MYO16: variants seen among roughly 807,000 people sequenced by gnomAD.
MYO16 encodes the protein myosin XVI.
In MYO16, 94 loss-of-function variants were observed where a neutral mutation model predicts 205.3. That is an observed-to-expected ratio of 0.46 (90% CI 0.39 to 0.54). The LOEUF (loss-of-function observed/expected upper bound fraction) is 0.54, where lower values mean the gene tolerates loss of function less well. Among genes scored for constraint, MYO16 ranks in the 20% least tolerant of loss-of-function variants. The probability of loss-of-function intolerance (pLI) is 0.00; values close to 1 mark genes in which losing one functional copy is unlikely to be tolerated. For synonymous variants in MYO16, 988 were observed against 954.0 expected (o/e 1.04, Z -0.66); for missense variants, 2,315 against 2,387.5 (o/e 0.97, Z 0.63).
intron 9 of MYO16, among the ~76,000 whole-genome samples, chr13:108,837,238 C>T (rs949203956): frequency 2.0e-5 from 3 of 152,088 alleles, no homozygotes; most frequent in African/African-American, 4.8e-5. Flanking sequence ...ACTTGTTCTT[C>T]CTCCTGCCAC....
At chr13:108,892,564 A>C (rs1008604867) in intron 14 of MYO16, among the ~76,000 whole-genome samples, 1 of 152,154 alleles carries the variant, frequency 6.6e-6, no homozygotes, top group African/African-American at 2.4e-5. Flanking sequence ...TAATATTGAG[A>C]GTCAATTTGG....
intron 33 of MYO16, among the ~76,000 whole-genome samples, chr13:109,166,289 T>A (rs1436007383): frequency 6.6e-6 from 1 of 152,086 alleles, no homozygotes; most frequent in Non-Finnish European, 1.5e-5. Context: ...ATTCTGAAAT[T>A]GGAAAATGCA....
At chr13:109,064,229 AT>A (rs1887674278) in intron 27 of MYO16, among the ~76,000 whole-genome samples, 1 of 152,140 alleles carries the variant, frequency 6.6e-6, no homozygotes, top group South Asian at 2.1e-4. Context: ...AAAGCCTAAA[AT>A]ATTTACTCTC....
intron 22 of MYO16, among the ~76,000 whole-genome samples, chr13:109,013,068 A>G (rs1277168207): frequency 2.3e-4 from 34 of 145,560 alleles, no homozygotes; most frequent in African/African-American, 8.1e-4. Flanking sequence ...GCACCCATTA[A>G]CTCATCATTT....
intron 4 of MYO16, among the ~76,000 whole-genome samples, chr13:108,749,857 CA>C (rs1885175772): frequency 6.6e-6 from 1 of 152,092 alleles, no homozygotes. Context: ...TCATAATTGC[CA>C]AAACTTGGAA....
chr13:109,121,780 C>T (rs1044251712), intron 29 of MYO16, among the ~76,000 whole-genome samples: 1 of 152,198 alleles, frequency 6.6e-6, no homozygotes, highest in African/African-American at 2.4e-5. Flanking sequence ...CCTCCTGAAA[C>T]CACTTTCACC....
Position 109,055,664 on chromosome 13 carries a change from A to G in MYO16, c.3335+69A>G. On this transcript the variant is annotated intron_variant, in intron 27 of 34. Coordinates refer to ENST00000457511, the MANE Select transcript of MYO16 (RefSeq NM_001198950.3). The surrounding 1 kb of genome is among the most constrained non-coding windows in gnomAD (Gnocchi z 5.0). ...AGTGCAGTGTACTGACACTGACACT[A>G]TTGTAGCAAGGGTCTTCTGTTGTCT... 1 of 1,379,864 alleles carries G rather than the reference A, an allele frequency of 7.2e-7. No individual in the cohort carries two copies. The highest frequency in any genetic ancestry group is 1.2e-5 in the South Asian group (1 of 85,356). The allele number at this position is 1,379,864 out of a possible 1,614,324, so 85.5% of individuals were successfully genotyped here.
chr13:109,114,894 C>T (rs1875597572), intron 28 of MYO16, among the ~76,000 whole-genome samples: 1 of 152,056 alleles, frequency 6.6e-6, no homozygotes, highest in Non-Finnish European at 1.5e-5. Flanking sequence ...GCCTCTTCAA[C>T]TCCCAAAGAA....
intron 1 of MYO16, among the ~76,000 whole-genome samples, chr13:108,632,472 G>C (rs1238853646): frequency 6.6e-6 from 1 of 152,134 alleles, no homozygotes; most frequent in Admixed American, 6.6e-5. Flanking sequence ...GTGACCAATA[G>C]CTAATGCTCG....
At chr13:108,747,679 A>G (rs1351857017) in intron 4 of MYO16, among the ~76,000 whole-genome samples, 7 of 152,284 alleles carry the variant, frequency 4.6e-5, no homozygotes, top group East Asian at 1.9e-4. Context: ...TAACACAACT[A>G]TGTCAACAAT....
rs369536353 is a variant in MYO16, at chr13:108,803,512, G to A, written c.742-3167G>A. Among the ~76,000 whole-genome samples the A allele has an allele frequency of 5.4e-4, 82 of 152,264 alleles. 3 individuals are homozygous for A. In the South Asian group the frequency reaches 0.016, roughly 29 times the overall value. On this transcript the variant is annotated intron_variant, in intron 6 of 34. Coordinates refer to ENST00000457511, the MANE Select transcript of MYO16 (RefSeq NM_001198950.3). ...GGGCACAGTGTTGGGGGCTTTGACC[G>A]GATGCAATGAAAACTGATCCTTATA...
chr13:108,628,977 T>C (rs1879853275), upstream of MYO16, among the ~76,000 whole-genome samples: 1 of 145,962 alleles, frequency 6.9e-6, no homozygotes, highest in Non-Finnish European at 1.6e-5. Flanking sequence ...ATGAGTATGA[T>C]ATTCACTTTT....
At chr13:109,103,597 G>A (rs919666837) in intron 28 of MYO16, among the ~76,000 whole-genome samples, 4 of 152,036 alleles carry the variant, frequency 2.6e-5, no homozygotes, top group Non-Finnish European at 5.9e-5. Context: ...ATTCTAATGC[G>A]TCTTGGAGAT....
At chr13:108,669,378 C>A (rs1288846652) in intron 2 of MYO16, among the ~76,000 whole-genome samples, 3 of 151,860 alleles carry the variant, frequency 2.0e-5, no homozygotes, top group African/African-American at 7.3e-5. Flanking sequence ...GGATTAGGTT[C>A]TGTACAGAGT....
rs190848704 is a variant in MYO16, at chr13:109,063,843, A to G, written c.3335+8248A>G. On this transcript the variant is annotated intron_variant, in intron 27 of 34. Transcript: ENST00000457511. ...ATACCATGTGGTTTCAAAGATTTTGAGGCATCGTATGTGTCAATCCCATCA... is the reference window on the plus strand; with the variant it reads ...ATACCATGTGGTTTCAAAGATTTTGGGGCATCGTATGTGTCAATCCCATCA... Among the ~76,000 whole-genome samples, 159 of 152,284 alleles carry G rather than the reference A, an allele frequency of 1.0e-3. 2 individuals carry two copies. The Middle Eastern group carries it at 0.024, about 23-fold the overall frequency.
rs1880667259 is a variant in MYO16, at chr13:109,207,801, G to C, written c.*965G>C. ...CTGCATCGCACAGCGCTCGTCCCCCGGGACTTACACTGCATGATTCCCTCA... is the reference window on the plus strand; with the variant it reads ...CTGCATCGCACAGCGCTCGTCCCCCCGGACTTACACTGCATGATTCCCTCA... On this transcript the variant is annotated 3_prime_UTR_variant, in exon 35 of 35. Transcript: ENST00000457511. 1 of 152,214 alleles carries C rather than the reference G, an allele frequency of 6.6e-6. No homozygotes were observed. The highest frequency in any genetic ancestry group is 2.4e-5 in the African/African-American group (1 of 41,440). 9.4% of individuals were successfully genotyped at this position (152,214 alleles called of 1,614,324 possible). A position where few individuals can be genotyped will look rare whatever the true frequency, so the allele number is the denominator to read the frequency against.
At position 109,154,911 on chromosome 13, in the gene MYO16, G is replaced by GAAAA. The variant is rs59465499; in HGVS notation, c.5165-9967_5165-9964dup. 1.7e-3 allele frequency among the ~76,000 whole-genome samples: 109 copies of GAAAA among 62,680 alleles called. 10 individuals are homozygous for GAAAA. Among genetic ancestry groups the GAAAA allele is most frequent in the African/African-American group, 5.6e-3 (91 of 16,258 alleles). The allele number at this position is 62,680 out of a possible 152,430, so 41.1% of individuals were successfully genotyped here. ...AGGTATTGCATACTCGGCTAATTAT[G>GAAAA]AAAAAAAAAAAAAAAAAAAAAAAAA... On this transcript the variant is annotated intron_variant, in intron 32 of 34. Transcript: ENST00000457511.
intron 23 of MYO16, among the ~76,000 whole-genome samples, chr13:109,021,282 T>C (rs1470288982): frequency 6.6e-6 from 1 of 152,152 alleles, no homozygotes; most frequent in Non-Finnish European, 1.5e-5. Flanking sequence ...ACTAAGACAG[T>C]TACAGCCTTA....
intron 4 of MYO16, among the ~76,000 whole-genome samples, chr13:108,742,691 G>A (rs72666787): frequency 1.8e-3 from 268 of 152,186 alleles, no homozygotes; most frequent in Non-Finnish European, 2.4e-3. Flanking sequence ...AGCTAAAAGT[G>A]ATTTATTCTC....
Sources: allele counts gnomAD v4.1 joint callset (sites outside exome capture counted in the v4.1 genomes callset), GRCh38; gene constraint gnomAD v4.1.1; non-coding constraint Gnocchi (gnomAD v3.1); transcripts MANE v1.5; gene names NCBI Gene and HGNC (gene_info 2026-07-23, HGNC 2026-07-21).